CNNM2: variants seen among roughly 807,000 people sequenced by gnomAD.
CNNM2 encodes cyclin and CBS domain divalent metal cation transport mediator 2.
CNNM2 carries 12 observed loss-of-function variants against 66.9 expected under a neutral mutation model. That is an observed-to-expected ratio of 0.18 (90% CI 0.11 to 0.29). The LOEUF is 0.29. CNNM2 is among the 10% of genes least tolerant of loss of function. CNNM2 has a pLI of 1.00. For missense variants in CNNM2, 705 were observed against 1,167.7 expected, an observed-to-expected ratio of 0.60 and a Z score of 5.77; for synonymous variants, 557 against 501.8, an observed-to-expected ratio of 1.11 and a Z score of -1.47.
chr10:103,069,691 C>T (rs1012238097), intron 5 of CNNM2, among the ~76,000 whole-genome samples: 1 of 152,216 alleles, frequency 6.6e-6, no homozygotes, highest in Non-Finnish European at 1.5e-5. Flanking sequence ...TACCTGGTGG[C>T]TTGCTGGCCT....
At chr10:102,955,942 G>T (rs964146125) in intron 1 of CNNM2, among the ~76,000 whole-genome samples, 2 of 152,036 alleles carry the variant, frequency 1.3e-5, no homozygotes, top group Admixed American at 6.6e-5. Context: ...GGATCACGAG[G>T]TCAGTTCAAG....
In CNNM2 at chr10:103,079,534, G is replaced by C. The variant is rs1256719039; in HGVS notation, c.*2354G>C. 4 of 152,308 alleles carry C rather than the reference G, an allele frequency of 2.6e-5. No homozygotes were observed. The highest frequency in any genetic ancestry group is 9.7e-5 in the African/African-American group (4 of 41,428). The allele number at this position is 152,308 out of a possible 1,614,324, so 9.4% of individuals were successfully genotyped here. Reference sequence around the variant, plus strand: ...TATAAATCCTAAAGAACTGAGTCTGGGGAGAGGAGAGGGGATGCCAGCTGC... The same window carrying C: ...TATAAATCCTAAAGAACTGAGTCTGCGGAGAGGAGAGGGGATGCCAGCTGC... On this transcript the variant is annotated 3_prime_UTR_variant, in exon 8 of 8. Transcript: ENST00000369878.
intron 1 of CNNM2, among the ~76,000 whole-genome samples, chr10:103,004,570 G>A (rs1270503352): frequency 6.6e-6 from 1 of 152,208 alleles, no homozygotes; most frequent in Non-Finnish European, 1.5e-5. Context: ...GGTAGAGCCT[G>A]AGAGTCTGCA....
chr10:102,990,951 A>G (rs993253011), intron 1 of CNNM2, among the ~76,000 whole-genome samples: 1 of 152,142 alleles, frequency 6.6e-6, no homozygotes, highest in Non-Finnish European at 1.5e-5. Flanking sequence ...CTGTGTACAA[A>G]TGAGACCCAA....
intron 1 of CNNM2, among the ~76,000 whole-genome samples, chr10:103,003,602 T>C (rs936290281): frequency 1.3e-5 from 2 of 151,974 alleles, no homozygotes; most frequent in African/African-American, 4.8e-5. Context: ...GCCAAGCAGA[T>C]CACTTGAGGT....
At chr10:102,974,679 A>G (rs1403250045) in intron 1 of CNNM2, among the ~76,000 whole-genome samples, 3 of 151,866 alleles carry the variant, frequency 2.0e-5, no homozygotes, top group Non-Finnish European at 4.4e-5. Context: ...GACTGTGGGT[A>G]CACACTACTG....
At chr10:102,993,248 C>T (rs1420376322) in intron 1 of CNNM2, among the ~76,000 whole-genome samples, 1 of 152,126 alleles carries the variant, frequency 6.6e-6, no homozygotes. Flanking sequence ...ACTATGAGGT[C>T]TTAAATATTT....
intron 1 of CNNM2, among the ~76,000 whole-genome samples, chr10:103,026,211 G>A (rs1280516467): frequency 6.6e-6 from 1 of 152,164 alleles, no homozygotes; most frequent in Non-Finnish European, 1.5e-5. Flanking sequence ...GCACAAAATG[G>A]ACTGAGACAG....
chr10:103,025,898 G>A lies in CNNM2; in HGVS notation c.1622-23809G>A, dbSNP rs532579585. ...GTTGAATGTGTCTCACAAAGTTCATGTGGCGAAACTTAATCTCCAATGCAA... is the reference window on the plus strand; with the variant it reads ...GTTGAATGTGTCTCACAAAGTTCATATGGCGAAACTTAATCTCCAATGCAA... On this transcript the variant is annotated intron_variant, in intron 1 of 7. Transcript: ENST00000369878. Among the ~76,000 whole-genome samples the A allele has an allele frequency of 6.6e-5, 10 of 152,342 alleles. No individual in the cohort carries two copies. The South Asian group carries it at 2.1e-3, about 32-fold the overall frequency.
chr10:102,956,752 T>C (rs1460618317), intron 1 of CNNM2, among the ~76,000 whole-genome samples: 1 of 151,664 alleles, frequency 6.6e-6, no homozygotes, highest in Admixed American at 6.6e-5. Context: ...TTCTCACTCA[T>C]AGGTGGGAAT....
chr10:102,919,172 C>A lies in CNNM2; in HGVS notation c.692C>A (p.Thr231Asn). 6.2e-7 allele frequency: 1 copy of A among 1,611,420 alleles called. No homozygotes were observed. The highest frequency in any genetic ancestry group is 8.5e-7 in the Non-Finnish European group (1 of 1,179,952). The stretch of plus-strand genomic sequence containing the variant: ...CTCCCGCCGCCCCCGTGGGCCGAGA[C>A]CACCTGGATTTACCACGACGGCGAG... ...AGLPPPPWAE[T>N]TWIYHDGEDT... The change falls in exon 1 of 8, where the codon ACC (threonine) becomes AAC (asparagine). Residue 231 changes from threonine to asparagine, a missense_variant. Thr to Asn is a moderately conservative substitution (Grantham distance 65). Around this residue, in one of 9 missense-constraint regions of CNNM2, gnomAD observed 100 missense variants for 151.9 expected, o/e 0.66. Transcript: ENST00000369878.
At chr10:102,940,919 C>T (rs1846409832) in intron 1 of CNNM2, among the ~76,000 whole-genome samples, 1 of 151,854 alleles carries the variant, frequency 6.6e-6, no homozygotes, top group Non-Finnish European at 1.5e-5. Flanking sequence ...GATGGGGTTT[C>T]ACACTATGTT....
At chr10:103,024,754 A>G (rs1307942888) in intron 1 of CNNM2, among the ~76,000 whole-genome samples, 1 of 152,194 alleles carries the variant, frequency 6.6e-6, no homozygotes. Context: ...CTGGGATTAC[A>G]GGCGTGAGCC....
chr10:102,959,341 GT>G (rs1847162373), intron 1 of CNNM2, among the ~76,000 whole-genome samples: 1 of 152,326 alleles, frequency 6.6e-6, no homozygotes, highest in Middle Eastern at 3.4e-3. Flanking sequence ...AGTAAATGGT[GT>G]TGTGCTTGTA....
At chr10:102,927,617 T>A in intron 1 of CNNM2, 1 of 599,878 alleles carries the variant, frequency 1.7e-6, no homozygotes, top group Non-Finnish European at 2.7e-6. Context: ...ACAGAAAAAT[T>A]AGCTGTGCGT....
At chr10:103,068,786 T>G in intron 5 of CNNM2, 64 bp downstream of exon 5, 1 of 1,293,070 alleles carries the variant, frequency 7.7e-7, no homozygotes, top group Non-Finnish European at 1.1e-6. Context: ...CCCTCTCCTT[T>G]CATCTTGCTT....
chr10:103,065,658 A>T (rs1475932664), intron 4 of CNNM2, among the ~76,000 whole-genome samples: 1 of 152,186 alleles, frequency 6.6e-6, no homozygotes, highest in Non-Finnish European at 1.5e-5. Context: ...CCAGGAACGG[A>T]AGTCACCATG....
intron 2 of CNNM2, among the ~76,000 whole-genome samples, chr10:103,050,935 C>G (rs530377948): frequency 6.6e-6 from 1 of 152,230 alleles, no homozygotes; most frequent in African/African-American, 2.4e-5. Flanking sequence ...CTTAGCAATG[C>G]TCAAGGGTTC....
intron 1 of CNNM2, among the ~76,000 whole-genome samples, chr10:103,013,593 C>T (rs1016613167): frequency 6.6e-6 from 1 of 152,126 alleles, no homozygotes; most frequent in Non-Finnish European, 1.5e-5. Context: ...AGTAACAGCT[C>T]CCTTTATCCA....
Sources: allele counts gnomAD v4.1 joint callset (sites outside exome capture counted in the v4.1 genomes callset), GRCh38; gene constraint gnomAD v4.1.1; regional missense constraint gnomAD v4.1.1; transcripts MANE v1.5; gene names NCBI Gene and HGNC (gene_info 2026-07-23, HGNC 2026-07-21).